The following ARHGEF12 variants were observed in gnomAD, a reference collection of about 807,000 sequenced individuals.
ARHGEF12 encodes KMT2A/ARHGEF12 fusion protein.
ARHGEF12 carries 66 observed loss-of-function variants against 211.2 expected under a neutral mutation model. The observed-to-expected ratio is 0.31, with a 90% confidence interval of 0.26 to 0.38. ARHGEF12 has a LOEUF of 0.38. ARHGEF12 is among the 10% of genes least tolerant of loss of function. The probability of loss-of-function intolerance (pLI) is 1.00; values close to 1 mark genes in which losing one functional copy is unlikely to be tolerated. For synonymous variants in ARHGEF12, 592 were observed against 638.4 expected, an observed-to-expected ratio of 0.93 and a Z score of 1.09; for missense variants, 1,429 against 1,869.5, an observed-to-expected ratio of 0.76 and a Z score of 4.34.
At chr11:120,365,614 T>C (rs1475770671) in intron 1 of ARHGEF12, 21 of 152,222 alleles carry the variant, frequency 1.4e-4, no homozygotes, top group Admixed American at 1.4e-3. Context: ...AAATTCTATA[T>C]GTTGCCAAAG....
Position 120,487,924 on chromosome 11 carries a change from A to G in ARHGEF12, c.*2847A>G. On this transcript the variant is annotated 3_prime_UTR_variant, in exon 41 of 41. Coordinates refer to ENST00000397843, the MANE Select transcript of ARHGEF12 (RefSeq NM_015313.3). ...CATACTTTAAAATCACCTAACTTGG[A>G]CTGCTTGAATTACATTGGCTTTTAG... 1 of 220,784 alleles carries G rather than the reference A, an allele frequency of 4.5e-6. No homozygotes were observed. The highest frequency in any genetic ancestry group is 6.6e-5 in the East Asian group (1 of 15,050). 13.7% of individuals were successfully genotyped at this position (220,784 alleles called of 1,614,324 possible).
chr11:120,458,940 C>T, intron 25 of ARHGEF12: 1 of 275,648 alleles, frequency 3.6e-6, no homozygotes. Context: ...TTTGGGAATA[C>T]ACTAAAAAAA....
In ARHGEF12 at chr11:120,377,342, CTG is replaced by C. The variant is rs1386611966; in HGVS notation, c.33-28774_33-28773del. 2.0e-5 allele frequency among the ~76,000 whole-genome samples: 3 copies of C among 152,132 alleles called. No individual in the cohort carries two copies. The East Asian group carries it at 5.8e-4, about 29-fold the overall frequency. ...TGTAATCTTTCTGTGTCTGTCTTCT[CTG>C]TCTCTTTTTTTTTTTAAAGACAGTC... is the stretch of plus-strand genomic sequence containing the variant. On this transcript the variant is annotated intron_variant, in intron 1 of 40. Transcript: ENST00000397843.
At chr11:120,383,926 C>T (rs1332662199) in intron 1 of ARHGEF12, among the ~76,000 whole-genome samples, 2 of 152,066 alleles carry the variant, frequency 1.3e-5, no homozygotes, top group Non-Finnish European at 2.9e-5. Context: ...GATGTTGAGA[C>T]ATGAAATTAG....
At chr11:120,385,150 T>A in intron 1 of ARHGEF12, 1 of 300,798 alleles carries the variant, frequency 3.3e-6, no homozygotes, top group South Asian at 1.3e-4. Flanking sequence ...AAATCCTTGC[T>A]TTCTTTATAT....
chr11:120,477,441 C>G lies in ARHGEF12; in HGVS notation c.3453-6C>G, dbSNP rs751598433. 1.3e-5 allele frequency: 13 copies of G among 1,025,124 alleles called. No individual in the cohort carries two copies. The highest frequency in any genetic ancestry group is 1.6e-5 in the Non-Finnish European group (11 of 701,566). 63.5% of individuals were successfully genotyped at this position (1,025,124 alleles called of 1,614,324 possible). ...AAAGTTTTTTTTTTTTTTTTTTTCTCTACAGAGGAGATAATGATGAAGAAG... is the reference window on the plus strand; with the variant it reads ...AAAGTTTTTTTTTTTTTTTTTTTCTGTACAGAGGAGATAATGATGAAGAAG... On this transcript the variant is annotated splice_polypyrimidine_tract_variant and splice_region_variant and intron_variant, in intron 35 of 40. Coordinates refer to ENST00000397843, the MANE Select transcript of ARHGEF12 (RefSeq NM_015313.3).
Position 120,481,541 on chromosome 11 carries a change from A to G in ARHGEF12, c.4519A>G (p.Ile1507Val), listed in dbSNP as rs770075241. ...TTCACAGAGCCAGATCATGGAGTAC[A>G]TTCATAAGATAGAGGCTGACCTTGA... is the stretch of plus-strand genomic sequence containing the variant. Reference protein sequence around the residue: ...ADSQSQIMEYIHKIEADLEHL... With the variant: ...ADSQSQIMEYVHKIEADLEHL... The change falls in exon 39 of 41, where the codon ATT (isoleucine) becomes GTT (valine). Residue 1507 changes from isoleucine to valine, a missense_variant. Physicochemically the swap from Ile to Val is conservative, Grantham distance 29. This residue lies in a region of ARHGEF12 where 467 missense variants were observed against 468.4 expected (regional missense o/e 1.00). Transcript: ENST00000397843. 6 of 1,614,222 alleles carry G rather than the reference A, an allele frequency of 3.7e-6. No homozygotes were observed. The highest frequency in any genetic ancestry group is 1.7e-5 in the Admixed American group (1 of 60,028).
chr11:120,434,346 G>A (rs2135742614), intron 11 of ARHGEF12, among the ~76,000 whole-genome samples: 1 of 152,300 alleles, frequency 6.6e-6, no homozygotes, highest in South Asian at 2.1e-4. Context: ...TGAGGAAACT[G>A]AGGCCAAATA....
At chr11:120,483,906 G>A (rs531852872) in intron 39 of ARHGEF12, among the ~76,000 whole-genome samples, 3 of 152,152 alleles carry the variant, frequency 2.0e-5, no homozygotes, top group South Asian at 2.1e-4. Flanking sequence ...GAGCCACCGC[G>A]CCCAGTCCCA....
In ARHGEF12 at chr11:120,477,231, A is replaced by T; in HGVS notation, c.3378A>T (p.Leu1126=). The change falls in exon 35 of 41, where the codon CTA becomes CTT. Residue 1126 remains leucine, a synonymous_variant. Transcript: ENST00000397843. ...TVSEKTVWQD[L]ICRMAASVKE... ...CAACTTTCTGAAGCTGGCAGGACCT[A>T]ATCTGTCGGATGGCTGCATCAGTGA... 2 of 1,614,006 alleles carry T rather than the reference A, an allele frequency of 1.2e-6. No homozygotes were observed. Among genetic ancestry groups the T allele is most frequent in the Non-Finnish European group, 1.7e-6 (2 of 1,180,016 alleles).
chr11:120,351,421 A>T (rs1942941498), intron 1 of ARHGEF12, among the ~76,000 whole-genome samples: 1 of 2,156 alleles, frequency 4.6e-4, no homozygotes, highest in African/African-American at 2.6e-3. Flanking sequence ...ATATATATAT[A>T]TATATATATA....
At chr11:120,448,753 G>A (rs761567553) in intron 20 of ARHGEF12, 10 of 277,270 alleles carry the variant, frequency 3.6e-5, no homozygotes, top group African/African-American at 6.6e-5. Context: ...AGCTGTATGA[G>A]TACAAGGACC....
At chr11:120,373,405 G>A (rs1943640481) in intron 1 of ARHGEF12, among the ~76,000 whole-genome samples, 1 of 152,132 alleles carries the variant, frequency 6.6e-6, no homozygotes, top group Admixed American at 6.5e-5. Context: ...TCTCTACAAT[G>A]TTCTATATAA....
chr11:120,479,834 T>G (rs77754471), intron 37 of ARHGEF12, 126 bp from the exon 38 acceptor site: 11,341 of 741,872 alleles, frequency 0.015, 752 homozygotes, highest in South Asian at 0.15. Flanking sequence ...TAATTAACAT[T>G]TTAATATGTC....
intron 1 of ARHGEF12, among the ~76,000 whole-genome samples, chr11:120,342,823 C>G (rs1339868729): frequency 6.6e-6 from 1 of 152,150 alleles, no homozygotes; most frequent in Non-Finnish European, 1.5e-5. Flanking sequence ...CAAATGTTAT[C>G]AATTCTATGA....
chr11:120,378,771 TA>T (rs566082659), intron 1 of ARHGEF12, among the ~76,000 whole-genome samples: 195 of 152,342 alleles, frequency 1.3e-3, no homozygotes, highest in African/African-American at 4.2e-3. Context: ...GTTAAAAACT[TA>T]ATAGACTGTC....
rs1375351576 is a variant in ARHGEF12 at position 120,431,785 on chromosome 11, T to G, written c.798T>G (p.Val266=). ...ATCTGTTTTAGGATGGAGCTGTAGT[T>G]ACACCCTCCAGACCTTTAGGGGACA... The part of the protein sequence containing the change: ...ATGSAQDGAV[V]TPSRPLGDTL... Residue 266 remains valine (V), a synonymous_variant, in exon 11 of 41, where the codon GTT becomes GTG. Transcript: ENST00000397843. 1.2e-6 allele frequency: 2 copies of G among 1,603,900 alleles called. No homozygotes were observed. The highest frequency in any genetic ancestry group is 2.2e-5 in the East Asian group (1 of 44,808).
intron 1 of ARHGEF12, among the ~76,000 whole-genome samples, chr11:120,404,850 C>T (rs1353634642): frequency 2.0e-5 from 3 of 152,150 alleles, no homozygotes; most frequent in Non-Finnish European, 4.4e-5. Flanking sequence ...CATTCCCTCC[C>T]TCTCCTACCT....
intron 1 of ARHGEF12, 169 bp from the exon 2 acceptor site, chr11:120,405,949 C>T (rs1368846628): frequency 3.7e-6 from 2 of 543,220 alleles, no homozygotes; most frequent in Non-Finnish European, 6.3e-6. Flanking sequence ...AGTTAAGATA[C>T]TTAAACATGG....
Sources: allele counts gnomAD v4.1 joint callset (sites outside exome capture counted in the v4.1 genomes callset), GRCh38; gene constraint gnomAD v4.1.1; regional missense constraint gnomAD v4.1.1; transcripts MANE v1.5; gene names NCBI Gene and HGNC (gene_info 2026-07-23, HGNC 2026-07-21).